S100A8: variants seen among roughly 807,000 people sequenced by gnomAD.
S100A8 encodes S100 calcium binding protein A8.
S100A8 carries 1 observed loss-of-function variant against 4.2 expected under a neutral mutation model. The ratio of observed to expected loss-of-function variants is 0.24; its 90% confidence interval spans 0.08 to 1.12. The LOEUF (loss-of-function observed/expected upper bound fraction) is 1.12, where lower values mean the gene tolerates loss of function less well. S100A8 is among the 50% of genes most tolerant of loss of function. The pLI, the probability that S100A8 is intolerant of heterozygous loss-of-function variation, is 0.53. For synonymous variants in S100A8, 41 were observed against 44.7 expected, an observed-to-expected ratio of 0.92 and a Z score of 0.33; for missense variants, 96 against 111.8, an observed-to-expected ratio of 0.86 and a Z score of 0.64.
At chr1:153,408,098 C>T in the S100A8 span, among the ~76,000 whole-genome samples, 11 of 152,268 alleles carry the variant, frequency 7.2e-5, no homozygotes, top group East Asian at 1.9e-4. Flanking sequence ...TCACCAGCAA[C>T]GGAACAAAGT....
At chr1:153,413,586 A>C in the S100A8 span, among the ~76,000 whole-genome samples, 1 of 152,230 alleles carries the variant, frequency 6.6e-6, no homozygotes, top group Non-Finnish European at 1.5e-5. Context: ...ATAATTCAAT[A>C]TTATGTTCTT....
At chr1:153,415,850 C>T in the S100A8 span, among the ~76,000 whole-genome samples, 1 of 152,188 alleles carries the variant, frequency 6.6e-6, no homozygotes, top group Non-Finnish European at 1.5e-5. Context: ...CCTCCCTGGA[C>T]TTTGAGTTCC....
the S100A8 span, among the ~76,000 whole-genome samples, chr1:153,410,241 A>G: frequency 3.3e-5 from 5 of 152,224 alleles, no homozygotes; most frequent in Non-Finnish European, 5.9e-5. Flanking sequence ...AGCAAGACTA[A>G]TAAAGAAGAA....
chr1:153,416,037 A>G, the S100A8 span, among the ~76,000 whole-genome samples: 272 of 152,268 alleles, frequency 1.8e-3, 1 homozygote, highest in African/African-American at 6.2e-3. Flanking sequence ...GCTTCTTAAG[A>G]CTATGAGGGG....
the S100A8 span, among the ~76,000 whole-genome samples, chr1:153,397,312 A>G: frequency 6.6e-6 from 1 of 151,948 alleles, no homozygotes; most frequent in Admixed American, 6.5e-5. Flanking sequence ...ATTTGCCTGC[A>G]TCAGGAGCAA....
At chr1:153,409,304 C>CA in the S100A8 span, among the ~76,000 whole-genome samples, 26 of 151,336 alleles carry the variant, frequency 1.7e-4, no homozygotes, top group East Asian at 1.6e-3. Context: ...AAAAGGAAAG[C>CA]AAAAAAAAGC....
the S100A8 span, among the ~76,000 whole-genome samples, chr1:153,398,407 C>T: frequency 2.6e-5 from 4 of 152,178 alleles, no homozygotes; most frequent in Non-Finnish European, 5.9e-5. Context: ...GGGGCCACCG[C>T]AGTCCCTGCT....
the S100A8 span, among the ~76,000 whole-genome samples, chr1:153,407,646 T>A: frequency 6.6e-6 from 1 of 152,126 alleles, no homozygotes; most frequent in South Asian, 2.1e-4. Flanking sequence ...GAGTTTGAGA[T>A]CTGAGAACTG....
the S100A8 span, chr1:153,419,093 A>G: frequency 5.6e-6 from 9 of 1,594,724 alleles, no homozygotes; most frequent in African/African-American, 1.3e-5. Flanking sequence ...CTCCCAGCCC[A>G]AAACTTGTTT....
the S100A8 span, among the ~76,000 whole-genome samples, chr1:153,407,844 C>T: frequency 6.6e-6 from 1 of 152,214 alleles, no homozygotes; most frequent in African/African-American, 2.4e-5. Flanking sequence ...GCTGGTGACA[C>T]CCAGGCAAAC....
At chr1:153,409,109 T>C in the S100A8 span, among the ~76,000 whole-genome samples, 145 of 152,236 alleles carry the variant, frequency 9.5e-4, no homozygotes, top group African/African-American at 3.3e-3. Context: ...AATGACAGGA[T>C]CAAATTCACA....
Position 153,390,087 on chromosome 1 carries a change from G to A in S100A8, c.*16C>T, listed in dbSNP as rs1304564727. The A allele has an allele frequency of 1.2e-6, 2 of 1,606,834 alleles. No individual in the cohort carries two copies. On this transcript the variant is annotated 3_prime_UTR_variant, in exon 3 of 3. Transcript: ENST00000368733. ...GTACATGTCCAGGGGCCCAGCCTCT[G>A]GGCCCAGTAACTCAGCTACTCTTTG... is the stretch of plus-strand genomic sequence containing the variant.
chr1:153,391,654 T>C (rs3806232), upstream of S100A8, among the ~76,000 whole-genome samples: 22,341 of 152,138 alleles, frequency 0.15, 1,902 homozygotes, highest in African/African-American at 0.24. Context: ...AATGTGTTGT[T>C]GCCAAGGGCT....
the S100A8 span, among the ~76,000 whole-genome samples, chr1:153,415,928 G>T: frequency 2.0e-5 from 3 of 152,230 alleles, no homozygotes; most frequent in African/African-American, 7.2e-5. Context: ...TTTGATTCAG[G>T]CTTTTCTTTG....
chr1:153,393,446 T>C (rs566660126), upstream of S100A8, among the ~76,000 whole-genome samples: 16 of 152,366 alleles, frequency 1.1e-4, no homozygotes, highest in South Asian at 3.3e-3. Flanking sequence ...CAATTAATAC[T>C]TATTGAGGGA....
Position 153,390,137 on chromosome 1 carries a change from T to C in S100A8, c.248A>G (p.His83Arg). 4 of 1,614,062 alleles carry C rather than the reference T, an allele frequency of 2.5e-6. No individual in the cohort carries two copies. ...ILVIKMGVAA[H>R]KKSHEESHKE The stretch of plus-strand genomic sequence containing the variant: ...GTGGCTTTCTTCATGGCTTTTTTTG[T>C]GGGCTGCCACGCCCATCTTTATCAC... The change falls in exon 3 of 3, where the codon CAC becomes CGC. Residue 83 changes from histidine to arginine, a missense_variant. Transcript: ENST00000368733.
chr1:153,421,686 C>T, the S100A8 span: 1 of 152,214 alleles, frequency 6.6e-6, no homozygotes, highest in African/African-American at 2.4e-5. Flanking sequence ...ACGTACTGAT[C>T]TCCCAAAAGA....
At chr1:153,410,010 G>A in the S100A8 span, among the ~76,000 whole-genome samples, 1 of 152,328 alleles carries the variant, frequency 6.6e-6, no homozygotes, top group Non-Finnish European at 1.5e-5. Flanking sequence ...AGCACTAAAT[G>A]CCCACAGGTG....
chr1:153,390,783 G>A (rs1662075506), intron 1 of S100A8: 3 of 590,774 alleles, frequency 5.1e-6, no homozygotes, highest in African/African-American at 1.9e-5. Context: ...CACACACACG[G>A]GGCCCGTAGA....
Sources: gnomAD v4.1 joint callset for allele counts (sites outside exome capture counted in the v4.1 genomes callset) on GRCh38, gnomAD v4.1.1 for gene constraint, MANE v1.5 for transcripts, NCBI Gene and HGNC (gene_info 2026-07-23, HGNC 2026-07-21) for gene names.